PTPRT: variants seen among roughly 807,000 people sequenced by gnomAD.
The protein encoded by PTPRT is receptor-type tyrosine-protein phosphatase T.
PTPRT carries 56 observed loss-of-function variants against 176.8 expected under a neutral mutation model. That is an observed-to-expected ratio of 0.32 (90% CI 0.26 to 0.40). PTPRT has a LOEUF of 0.40. Among genes scored for constraint, PTPRT ranks in the 10% least tolerant of loss-of-function variants. PTPRT has a pLI of 1.00. For synonymous variants in PTPRT, 783 were observed against 739.0 expected (o/e 1.06, Z -0.96); for missense variants, 1,540 against 1,908.2 (o/e 0.81, Z 3.60).
At chr20:42,965,616 A>T (rs2146048998) in intron 1 of PTPRT, among the ~76,000 whole-genome samples, 1 of 152,354 alleles carries the variant, frequency 6.6e-6, no homozygotes, top group East Asian at 1.9e-4. Flanking sequence ...CCGTTTAAAA[A>T]AGTCCCCAAT....
intron 21 of PTPRT, 99 bp from the exon 22 acceptor site, chr20:42,115,414 C>A (rs1420468876): frequency 3.4e-6 from 3 of 894,536 alleles, no homozygotes; most frequent in Admixed American, 1.8e-5. Context: ...GTCGTCCCAT[C>A]CAAATAAACC....
chr20:42,787,517 C>A (rs2077309091), intron 3 of PTPRT, among the ~76,000 whole-genome samples: 1 of 152,168 alleles, frequency 6.6e-6, no homozygotes, highest in African/African-American at 2.4e-5. Context: ...ACAGCTTTTT[C>A]AAAATGCTGT....
At chr20:43,124,236 C>T (rs535290309) in intron 1 of PTPRT, among the ~76,000 whole-genome samples, 9 of 152,286 alleles carry the variant, frequency 5.9e-5, no homozygotes, top group African/African-American at 2.2e-4. Flanking sequence ...TATCAATTGA[C>T]TTTTAGAAAT....
intron 1 of PTPRT, among the ~76,000 whole-genome samples, chr20:43,159,784 C>T (rs763893692): frequency 7.2e-5 from 11 of 152,030 alleles, no homozygotes; most frequent in Admixed American, 2.0e-4. Context: ...ATAGTGAGGA[C>T]GGAGGTTTGT....
chr20:42,501,543 G>T (rs996735128), intron 7 of PTPRT, among the ~76,000 whole-genome samples: 4 of 151,996 alleles, frequency 2.6e-5, no homozygotes, highest in Non-Finnish European at 5.9e-5. Flanking sequence ...CTTCTCTTCC[G>T]CCTGCCAACA....
At chr20:42,722,973 G>A (rs2076325586) in intron 6 of PTPRT, among the ~76,000 whole-genome samples, 2 of 152,138 alleles carry the variant, frequency 1.3e-5, no homozygotes, top group African/African-American at 4.8e-5. Context: ...AGACTCAGAT[G>A]ACTTGAGTAC....
At position 42,791,393 on chromosome 20, in the gene PTPRT, C is replaced by T; in HGVS notation, c.288G>A (p.Lys96=). 3 of 1,614,218 alleles carry T rather than the reference C, an allele frequency of 1.9e-6. No homozygotes were observed. The highest frequency in any genetic ancestry group is 1.1e-5 in the South Asian group (1 of 91,084). The change falls in exon 3 of 31, where the codon AAG becomes AAA. Residue 96 remains lysine, a synonymous_variant. Coordinates refer to ENST00000373187, the MANE Select transcript of PTPRT (RefSeq NM_007050.6). The part of the protein sequence containing the change: ...QKAHLLLPTL[K]ENDTHCIDFH... ...AGTCGATGCAGTGGGTGTCATTCTC[C>T]TTCAGGGTTGGCAGGAGAAGGTGGG...
intron 1 of PTPRT, among the ~76,000 whole-genome samples, chr20:43,140,423 G>A (rs2013965211): frequency 6.7e-6 from 1 of 150,234 alleles, no homozygotes; most frequent in Non-Finnish European, 1.5e-5. Flanking sequence ...AGATGGACAA[G>A]AGTTAGCAAA....
chr20:42,446,934 C>T (rs1405380420), intron 9 of PTPRT, among the ~76,000 whole-genome samples: 4 of 152,066 alleles, frequency 2.6e-5, no homozygotes, highest in Non-Finnish European at 1.5e-5. Flanking sequence ...GTTAGCTCTC[C>T]TGAGGAATGC....
chr20:43,123,695 G>C (rs73106009), intron 1 of PTPRT, among the ~76,000 whole-genome samples: 4,898 of 152,234 alleles, frequency 0.032, 100 homozygotes, highest in South Asian at 0.082. Flanking sequence ...TTTTTATCTT[G>C]TTTAAACTAC....
intron 1 of PTPRT, among the ~76,000 whole-genome samples, chr20:43,089,211 G>C (rs1046690598): frequency 6.6e-6 from 1 of 152,154 alleles, no homozygotes; most frequent in African/African-American, 2.4e-5. Flanking sequence ...CTAAGCACTT[G>C]CTCAAAACCA....
intron 9 of PTPRT, among the ~76,000 whole-genome samples, chr20:42,409,278 C>T (rs1218578099): frequency 1.3e-5 from 2 of 151,634 alleles, no homozygotes; most frequent in Non-Finnish European, 2.9e-5. Context: ...GTCAGGAGTT[C>T]GAGACCAGCC....
chr20:42,596,595 C>G (rs1036625496), intron 7 of PTPRT, among the ~76,000 whole-genome samples: 1 of 152,198 alleles, frequency 6.6e-6, no homozygotes, highest in Admixed American at 6.5e-5. Context: ...AACCTAATAT[C>G]TATATTTCTG....
At chr20:43,165,157 C>CT (rs575367224) in intron 1 of PTPRT, among the ~76,000 whole-genome samples, 3,819 of 136,796 alleles carry the variant, frequency 0.028, 146 homozygotes, top group African/African-American at 0.076. Flanking sequence ...TCTGCACATA[C>CT]TTTTTTTTTT....
At chr20:42,906,312 G>A (rs140571274) in intron 1 of PTPRT, among the ~76,000 whole-genome samples, 4 of 152,268 alleles carry the variant, frequency 2.6e-5, no homozygotes, top group East Asian at 1.9e-4. Context: ...TGGCCGGGGC[G>A]GTCAGAGGGG....
chr20:42,524,716 TC>T (rs1455988652), intron 7 of PTPRT, among the ~76,000 whole-genome samples: 2 of 152,192 alleles, frequency 1.3e-5, no homozygotes, highest in African/African-American at 4.8e-5. Flanking sequence ...TATTGTCCCT[TC>T]CTTCAGTTTC....
At chr20:42,680,106 A>C (rs2075577897) in intron 6 of PTPRT, among the ~76,000 whole-genome samples, 1 of 152,206 alleles carries the variant, frequency 6.6e-6, no homozygotes, top group African/African-American at 2.4e-5. Context: ...TATACATTTT[A>C]GCTTGGAACT....
At chr20:42,688,530 AT>A (rs1569085483) in intron 6 of PTPRT, 1 of 152,176 alleles carries the variant, frequency 6.6e-6, no homozygotes, top group Non-Finnish European at 1.5e-5. Context: ...TGTGTAATGG[AT>A]TCCCTTCAAT....
intron 1 of PTPRT, among the ~76,000 whole-genome samples, chr20:43,006,053 A>G (rs554993636): frequency 1.3e-5 from 2 of 152,350 alleles, no homozygotes; most frequent in African/African-American, 4.8e-5. Flanking sequence ...TTACAAAATC[A>G]GCATACAATT....
Sources: allele counts gnomAD v4.1 joint callset (sites outside exome capture counted in the v4.1 genomes callset), GRCh38; gene constraint gnomAD v4.1.1; transcripts MANE v1.5; gene names NCBI Gene and HGNC (gene_info 2026-07-23, HGNC 2026-07-21).